Variants in AXDND1 observed in about 807,000 individuals in gnomAD.
AXDND1 encodes the protein axonemal dynein light chain domain containing 1, also known as axonemal dynein light chain domain-containing protein 1.
Under a neutral mutation model 137.5 loss-of-function variants are expected in AXDND1, and 110 were observed. The observed-to-expected ratio is 0.80, with a 90% CI of 0.69 to 0.94. AXDND1 has a LOEUF of 0.94. Among genes scored for constraint, AXDND1 ranks in the 40% least tolerant of loss-of-function variants. AXDND1 has a pLI of 0.00. For synonymous variants in AXDND1, 414 were observed against 399.7 expected, an observed-to-expected ratio of 1.04 and a Z score of -0.43; for missense variants, 1,191 against 1,169.8, an observed-to-expected ratio of 1.02 and a Z score of -0.26.
chr1:179,451,739 CTCTT>C (rs2125398554), intron 16 of AXDND1: 1 of 152,864 alleles, frequency 6.5e-6, no homozygotes, highest in East Asian at 1.9e-4. Context: ...CACAAGCTCT[CTCTT>C]TGCCTGCTGC....
chr1:179,461,433 A>G (rs1412741717), intron 16 of AXDND1, among the ~76,000 whole-genome samples: 1 of 152,044 alleles, frequency 6.6e-6, no homozygotes, highest in African/African-American at 2.4e-5. Context: ...TAGCAATACC[A>G]TGCTGTTTTG....
At chr1:179,405,136 T>C (rs1652748659) in intron 11 of AXDND1, among the ~76,000 whole-genome samples, 1 of 152,004 alleles carries the variant, frequency 6.6e-6, no homozygotes, top group Non-Finnish European at 1.5e-5. Flanking sequence ...TGTGTTTTCA[T>C]TGTTGAACTC....
rs1210710162 is a variant in AXDND1 at position 179,542,484 on chromosome 1, G to C, written c.3031+7522G>C. 2.0e-5 allele frequency among the ~76,000 whole-genome samples: 3 copies of C among 152,162 alleles called. No individual in the cohort carries two copies. In the East Asian group the frequency reaches 5.8e-4, roughly 29 times the overall value. On this transcript the variant is annotated intron_variant, in intron 25 of 25. Transcript: ENST00000367618. ...CTGGCGAAAATGTCATTTATTACAA[G>C]TCTGACAATCAGTCCTTAGTTTTAG... is the stretch of plus-strand genomic sequence containing the variant.
intron 4 of AXDND1, among the ~76,000 whole-genome samples, chr1:179,377,332 G>A (rs1237053517): frequency 1.3e-5 from 2 of 152,150 alleles, no homozygotes; most frequent in Non-Finnish European, 2.9e-5. Context: ...AGTGTTCTTA[G>A]CTCGCAGTGC....
intron 11 of AXDND1, among the ~76,000 whole-genome samples, chr1:179,405,506 A>G (rs550175120): frequency 6.6e-6 from 1 of 152,366 alleles, no homozygotes; most frequent in Admixed American, 6.5e-5. Flanking sequence ...ATCGTCTTCC[A>G]TAATGGTTGA....
rs564085213 is a variant in AXDND1, at chr1:179,470,877, T to A, written c.1997+2236T>A. Among the ~76,000 whole-genome samples, 13 of 152,290 alleles carry A rather than the reference T, an allele frequency of 8.5e-5. No homozygotes were observed. In the South Asian group the frequency reaches 2.5e-3, roughly 29 times the overall value. On this transcript the variant is annotated intron_variant, in intron 17 of 25. Transcript: ENST00000367618. Reference sequence around the variant, plus strand: ...TTTCACTATTAAGTATAATGTTATTTGTGGGTGTTTCCTAGATGCCTTTTA... The same window carrying A: ...TTTCACTATTAAGTATAATGTTATTAGTGGGTGTTTCCTAGATGCCTTTTA...
At position 179,498,890 on chromosome 1, in the gene AXDND1, C is replaced by T. The variant is rs1351488718; in HGVS notation, c.2388+5939C>T. 2.0e-5 allele frequency among the ~76,000 whole-genome samples: 3 copies of T among 149,436 alleles called. No individual in the cohort carries two copies. The East Asian group carries it at 5.9e-4, about 29-fold the overall frequency. Reference sequence around the variant, plus strand: ...AACCACAATGAGATACCATCTTACACCAGTCAGAATAGCTTATAAAAAGTC... The same window carrying T: ...AACCACAATGAGATACCATCTTACATCAGTCAGAATAGCTTATAAAAAGTC... On this transcript the variant is annotated intron_variant, in intron 20 of 25. Transcript: ENST00000367618.
In AXDND1 at chr1:179,496,850, A is replaced by G. The variant is rs191358303; in HGVS notation, c.2388+3899A>G. 6.6e-5 allele frequency among the ~76,000 whole-genome samples: 10 copies of G among 152,124 alleles called. No homozygotes were observed. In the East Asian group the frequency reaches 1.9e-3, roughly 29 times the overall value. On this transcript the variant is annotated intron_variant, in intron 20 of 25. Transcript: ENST00000367618. Reference sequence around the variant, plus strand: ...ACCCCCGTAGGCATTTAGTAGTACAAACTTTCTGTTTTAGCTGCATCTCAC... The same window carrying G: ...ACCCCCGTAGGCATTTAGTAGTACAGACTTTCTGTTTTAGCTGCATCTCAC...
Position 179,503,866 on chromosome 1 carries a change from G to A in AXDND1, c.2389-5430G>A, listed in dbSNP as rs997975195. 2.0e-5 allele frequency among the ~76,000 whole-genome samples: 3 copies of A among 152,074 alleles called. No individual in the cohort carries two copies. In the East Asian group the frequency reaches 5.8e-4, roughly 29 times the overall value. On this transcript the variant is annotated intron_variant, in intron 20 of 25. Coordinates refer to ENST00000367618, the MANE Select transcript of AXDND1 (RefSeq NM_144696.6). ...ATTATGCAGACTTTCAAGGAGTAGG[G>A]TAATCCCCATGCTATATAAACAGTG...
At position 179,382,714 on chromosome 1, in the gene AXDND1, T is replaced by A. The variant is rs1378352504; in HGVS notation, c.596T>A (p.Leu199His). The A allele has an allele frequency of 6.2e-7, 1 of 1,603,458 alleles. No homozygotes were observed. The highest frequency in any genetic ancestry group is 1.3e-5 in the African/African-American group (1 of 74,662). ...ATTTATTGTAGCAAATACACTACTC[T>A]CCTCACAGATAGTGAAAACAGGCTA... is the stretch of plus-strand genomic sequence containing the variant. The part of the protein sequence containing the change: ...LECYDDKYTT[L>H]LTDSENRLLL... The change falls in exon 7 of 26, where the codon CTC (leucine) becomes CAC (histidine). Residue 199 changes from leucine to histidine, a missense_variant. Transcript: ENST00000367618.
chr1:179,470,386 T>G (rs1663773311), intron 17 of AXDND1, among the ~76,000 whole-genome samples: 1 of 152,148 alleles, frequency 6.6e-6, no homozygotes, highest in Admixed American at 6.5e-5. Flanking sequence ...ATTTGTTGGA[T>G]CTGTACATCA....
chr1:179,398,857 C>G (rs1458485266), intron 11 of AXDND1, among the ~76,000 whole-genome samples: 6 of 143,496 alleles, frequency 4.2e-5, no homozygotes, highest in Non-Finnish European at 9.1e-5. Flanking sequence ...GGATCAAAGC[C>G]TTGTGGCAGG....
chr1:179,418,204 C>G (rs1344325665), intron 12 of AXDND1, among the ~76,000 whole-genome samples: 4 of 151,936 alleles, frequency 2.6e-5, no homozygotes, highest in Non-Finnish European at 5.9e-5. Context: ...AACGAGCATG[C>G]TGCCTTCAAG....
At chr1:179,473,235 C>T (rs1664180085) in intron 17 of AXDND1, among the ~76,000 whole-genome samples, 1 of 152,088 alleles carries the variant, frequency 6.6e-6, no homozygotes, top group African/African-American at 2.4e-5. Context: ...TCAGGTCATG[C>T]CTGTAATCCC....
intron 16 of AXDND1, among the ~76,000 whole-genome samples, chr1:179,461,243 G>A (rs1662271920): frequency 6.6e-6 from 1 of 152,078 alleles, no homozygotes; most frequent in Non-Finnish European, 1.5e-5. Flanking sequence ...TGTAAGGAAG[G>A]GATCCAGTTT....
intron 12 of AXDND1, among the ~76,000 whole-genome samples, chr1:179,418,005 T>TTTATTTA (rs1558148039): frequency 7.3e-5 from 11 of 150,448 alleles, no homozygotes; most frequent in Admixed American, 6.7e-4. Flanking sequence ...TTATTTATTT[T>TTTATTTA]TTTATTGATC....
chr1:179,538,708 C>G (rs1030726704), intron 25 of AXDND1, among the ~76,000 whole-genome samples: 7 of 152,278 alleles, frequency 4.6e-5, no homozygotes, highest in African/African-American at 1.7e-4. Flanking sequence ...TCTATTAGGT[C>G]TACTTGGTCC....
chr1:179,410,005 A>AG (rs920726831), intron 11 of AXDND1, among the ~76,000 whole-genome samples: 1 of 151,946 alleles, frequency 6.6e-6, no homozygotes, highest in African/African-American at 2.4e-5. Flanking sequence ...TTGATAATTG[A>AG]GGTCTAATTT....
Position 179,393,889 on chromosome 1 carries a change from T to G in AXDND1, c.864-14T>G, listed in dbSNP as rs768221373. ...TTATCAGATCTAGGAGCTTTTTGGT[T>G]GTTTGTCATGCAGAGAGAGGTATGT... is the stretch of plus-strand genomic sequence containing the variant. On this transcript the variant is annotated splice_polypyrimidine_tract_variant and intron_variant, in intron 9 of 25. Transcript: ENST00000367618. The G allele has an allele frequency of 1.3e-5, 21 of 1,571,596 alleles. No homozygotes were observed. Among genetic ancestry groups the G allele is most frequent in the Non-Finnish European group, 1.8e-5 (21 of 1,164,228 alleles).
Sources: allele counts gnomAD v4.1 joint callset (sites outside exome capture counted in the v4.1 genomes callset), GRCh38; gene constraint gnomAD v4.1.1; transcripts MANE v1.5; gene names NCBI Gene and HGNC (gene_info 2026-07-23, HGNC 2026-07-21).